PRKN: variants seen among roughly 807,000 people sequenced by gnomAD.
PRKN encodes parkin RBR E3 ubiquitin protein ligase.
Under a neutral mutation model 59.5 loss-of-function variants are expected in PRKN, and 56 were observed. That is an observed-to-expected ratio of 0.94 (90% CI 0.76 to 1.18). The LOEUF (loss-of-function observed/expected upper bound fraction) is 1.18. Ranked by LOEUF, PRKN falls within the 50% of genes most tolerant of loss-of-function variation. PRKN has a pLI of 0.00. For missense variants in PRKN, 657 were observed against 596.4 expected (o/e 1.10, Z -1.06); for synonymous variants, 250 against 222.1 (o/e 1.13, Z -1.12).
In PRKN at chr6:162,158,446, T is replaced by G. The variant is rs189940395; in HGVS notation, c.534+42685A>C. ...TTTTTTTTTTTTTCTTTTGGTTTGT[T>G]TTTGAGATGGAATCCCACTCTGTCG... On this transcript the variant is annotated intron_variant, in intron 4 of 11. Transcript: ENST00000366898. 6.7e-3 allele frequency among the ~76,000 whole-genome samples: 1,013 copies of G among 151,600 alleles called. 8 individuals carry two copies. Among genetic ancestry groups the G allele is most frequent in the Non-Finnish European group, 0.012 (808 of 67,912 alleles).
chr6:162,262,919 A>T, intron 2 of PRKN, 154 bp from the exon 3 acceptor site: 1 of 904,272 alleles, frequency 1.1e-6, no homozygotes. Flanking sequence ...CAGCAGTTAC[A>T]CACTACACAC....
At position 161,513,525 on chromosome 6, in the gene PRKN, A is replaced by ATTT. The variant is rs34386533; in HGVS notation, c.1083+35326_1083+35328dup. On this transcript the variant is annotated intron_variant, in intron 9 of 11. Transcript: ENST00000366898. ...TCCCAGAGTGCTGGGATTACAGCAC[A>ATTT]TTTTTTTTTTTTTTTGAAAGAGCCC... Among the ~76,000 whole-genome samples the ATTT allele has an allele frequency of 3.0e-3, 435 of 142,828 alleles. 5 individuals carry two copies. Among genetic ancestry groups the ATTT allele is most frequent in the African/African-American group, 9.9e-3 (381 of 38,466 alleles). 93.7% of individuals were successfully genotyped at this position (142,828 alleles called of 152,430 possible). A position where few individuals can be genotyped will look rare whatever the true frequency, so the allele number is the denominator to read the frequency against.
chr6:161,884,749 A>G lies in PRKN; in HGVS notation c.734+88553T>C, dbSNP rs541727978. Reference sequence around the variant, plus strand: ...ACCTCTTCTGAATCTGTAGTAGTCAATGAGTCTAGACGGGTTATCCATGTG... The same window carrying G: ...ACCTCTTCTGAATCTGTAGTAGTCAGTGAGTCTAGACGGGTTATCCATGTG... On this transcript the variant is annotated intron_variant, in intron 6 of 11. Transcript: ENST00000366898. Among the ~76,000 whole-genome samples, 30 of 152,320 alleles carry G rather than the reference A, an allele frequency of 2.0e-4. 1 individual carries two copies. The South Asian group carries it at 5.0e-3, about 25-fold the overall frequency.
intron 1 of PRKN, among the ~76,000 whole-genome samples, chr6:162,514,312 G>C (rs571914221): frequency 7.2e-5 from 11 of 151,754 alleles, no homozygotes; most frequent in African/African-American, 2.4e-4. Flanking sequence ...TCAAATTCAG[G>C]CTAAGCTTAA....
At chr6:162,031,774 C>A (rs1182725944) in intron 5 of PRKN, among the ~76,000 whole-genome samples, 1 of 152,094 alleles carries the variant, frequency 6.6e-6, no homozygotes, top group Non-Finnish European at 1.5e-5. Context: ...AGGTGATCCA[C>A]CCCACTCAAC....
intron 6 of PRKN, among the ~76,000 whole-genome samples, chr6:161,823,984 G>A (rs565366685): frequency 7.9e-5 from 12 of 152,334 alleles, no homozygotes; most frequent in African/African-American, 2.9e-4. Flanking sequence ...GTGGTAATGG[G>A]TATTTGGGAA....
chr6:162,078,011 A>T (rs1423400384), intron 4 of PRKN, among the ~76,000 whole-genome samples: 1 of 151,796 alleles, frequency 6.6e-6, no homozygotes, highest in Non-Finnish European at 1.5e-5. Context: ...TAAAAAAAAA[A>T]AAAAAAAAAA....
At chr6:162,322,100 T>TA (rs199922940) in intron 2 of PRKN, among the ~76,000 whole-genome samples, 2 of 114,172 alleles carry the variant, frequency 1.8e-5, no homozygotes, top group Non-Finnish European at 4.2e-5. Context: ...CTATAGAATC[T>TA]AAAAAATGTC....
At chr6:161,766,803 G>A (rs1351867370) in intron 7 of PRKN, among the ~76,000 whole-genome samples, 4 of 152,130 alleles carry the variant, frequency 2.6e-5, no homozygotes, top group African/African-American at 4.8e-5. Context: ...CAGCAGACAA[G>A]GATCATAACA....
chr6:161,949,104 C>T (rs1173204830), intron 6 of PRKN, among the ~76,000 whole-genome samples: 1 of 152,040 alleles, frequency 6.6e-6, no homozygotes, highest in Non-Finnish European at 1.5e-5. Flanking sequence ...TGGACTTCAG[C>T]GGGGTAGTTC....
intron 6 of PRKN, among the ~76,000 whole-genome samples, chr6:161,910,883 T>G (rs1778335052): frequency 1.3e-5 from 2 of 152,202 alleles, no homozygotes; most frequent in African/African-American, 2.4e-5. Context: ...CAGATGATTG[T>G]TAGCATGTTT....
chr6:162,046,899 A>C (rs1784271271), intron 5 of PRKN, among the ~76,000 whole-genome samples: 1 of 50,632 alleles, frequency 2.0e-5, no homozygotes, highest in Admixed American at 3.0e-4. Flanking sequence ...TTTAACCTTA[A>C]CAATTAAAAA....
Position 161,503,705 on chromosome 6 carries a change from C to A in PRKN, c.1083+45149G>T, listed in dbSNP as rs1778045136. Reference sequence around the variant, plus strand: ...TATGAAGGTCACAACCAGAAGCAGTCCGGCCTGCAGTTGCTGTTTTAAAAA... The same window carrying A: ...TATGAAGGTCACAACCAGAAGCAGTACGGCCTGCAGTTGCTGTTTTAAAAA... On this transcript the variant is annotated intron_variant, in intron 9 of 11. Coordinates refer to ENST00000366898, the MANE Select transcript of PRKN (RefSeq NM_004562.3). The surrounding 1 kb of genome is among the most constrained non-coding windows in gnomAD (Gnocchi z 5.1). 2.0e-5 allele frequency among the ~76,000 whole-genome samples: 3 copies of A among 152,196 alleles called. No homozygotes were observed. The South Asian group carries it at 6.2e-4, about 31-fold the overall frequency.
Position 161,828,528 on chromosome 6 carries a change from T to C in PRKN, c.735-42620A>G, listed in dbSNP as rs537020679. Among the ~76,000 whole-genome samples, 74 of 152,270 alleles carry C rather than the reference T, an allele frequency of 4.9e-4. No individual in the cohort carries two copies. The East Asian group carries it at 0.012, about 24-fold the overall frequency. On this transcript the variant is annotated intron_variant, in intron 6 of 11. Transcript: ENST00000366898. Reference sequence around the variant, plus strand: ...CCACTGTGCTTCTGCCCAAAGGGGCTGCTGGTTTGCTTTTCCTGCCCCTCC... The same window carrying C: ...CCACTGTGCTTCTGCCCAAAGGGGCCGCTGGTTTGCTTTTCCTGCCCCTCC...
chr6:162,390,097 C>A (rs947793037), intron 2 of PRKN, among the ~76,000 whole-genome samples: 1 of 152,000 alleles, frequency 6.6e-6, no homozygotes, highest in African/African-American at 2.4e-5. Context: ...TGGGTAATAG[C>A]GCCAATGTTC....
chr6:161,494,336 C>A (rs750628014), intron 9 of PRKN, among the ~76,000 whole-genome samples: 32 of 152,158 alleles, frequency 2.1e-4, no homozygotes, highest in Admixed American at 3.9e-4. Context: ...TACTTCAAAG[C>A]CTCAACAAAA....
At position 161,455,342 on chromosome 6, in the gene PRKN, C is replaced by G. The variant is rs576471441; in HGVS notation, c.1084-68465G>C. Among the ~76,000 whole-genome samples the G allele has an allele frequency of 3.9e-5, 6 of 152,204 alleles. No homozygotes were observed. The South Asian group carries it at 8.3e-4, about 21-fold the overall frequency. ...GTGAGCCACCACGCCCGGCCTGACACGCTGTGTTCTAAACACCCAGCACAA... is the reference window on the plus strand; with the variant it reads ...GTGAGCCACCACGCCCGGCCTGACAGGCTGTGTTCTAAACACCCAGCACAA... On this transcript the variant is annotated intron_variant, in intron 9 of 11. Coordinates refer to ENST00000366898, the MANE Select transcript of PRKN (RefSeq NM_004562.3).
intron 7 of PRKN, among the ~76,000 whole-genome samples, chr6:161,689,083 C>A (rs910892791): frequency 6.6e-6 from 1 of 152,012 alleles, no homozygotes; most frequent in Non-Finnish European, 1.5e-5. Flanking sequence ...TCCCTGATTT[C>A]TTCTATTTAA....
intron 6 of PRKN, among the ~76,000 whole-genome samples, chr6:161,803,596 C>G (rs1167821506): frequency 5.3e-5 from 8 of 152,200 alleles, no homozygotes; most frequent in Admixed American, 4.6e-4. Context: ...CCCAGCTCAA[C>G]TCGGGTGGAG....
Sources: gnomAD v4.1 joint callset for allele counts (sites outside exome capture counted in the v4.1 genomes callset) on GRCh38, gnomAD v4.1.1 for gene constraint, Gnocchi (gnomAD v3.1) non-coding constraint, MANE v1.5 for transcripts, NCBI Gene and HGNC (gene_info 2026-07-23, HGNC 2026-07-21) for gene names.